Variants in RUNX2 observed in about 807,000 individuals in gnomAD.
RUNX2 encodes runt-related transcription factor 2.
A neutral mutation model predicts 51.7 loss-of-function variants in RUNX2; 10 were observed. The observed-to-expected ratio is 0.19, with a 90% CI of 0.12 to 0.33. The LOEUF (loss-of-function observed/expected upper bound fraction) is 0.33, where lower values mean the gene tolerates loss of function less well. Ranked by LOEUF, RUNX2 falls within the 10% of genes least tolerant of loss-of-function variation. The pLI is 1.00. For missense variants in RUNX2, 562 were observed against 691.3 expected (o/e 0.81, Z 2.10); for synonymous variants, 276 against 273.6 (o/e 1.01, Z -0.09).
intron 2 of RUNX2, among the ~76,000 whole-genome samples, chr6:45,334,483 G>A (rs1182586960): frequency 2.1e-5 from 3 of 141,910 alleles, no homozygotes; most frequent in African/African-American, 7.7e-5. Context: ...AAAGTTAAAT[G>A]CTAGCCAAAT....
At chr6:45,511,233 C>T (rs746188901) in intron 6 of RUNX2, among the ~76,000 whole-genome samples, 5 of 152,012 alleles carry the variant, frequency 3.3e-5, no homozygotes, top group Admixed American at 6.6e-5. Flanking sequence ...ATCTATGTGG[C>T]CTTGAGTTTG....
chr6:45,365,360 A>C, intron 2 of RUNX2: 1 of 1,143,320 alleles, frequency 8.7e-7, no homozygotes, highest in Admixed American at 2.2e-5. Context: ...TAAATGCAAA[A>C]AAAAAAGAAA....
At chr6:45,542,622 A>G (rs1802265805) in intron 7 of RUNX2, among the ~76,000 whole-genome samples, 1 of 152,240 alleles carries the variant, frequency 6.6e-6, no homozygotes, top group South Asian at 2.1e-4. Context: ...AGAGTTATTA[A>G]TAATATCCCA....
intron 5 of RUNX2, among the ~76,000 whole-genome samples, chr6:45,457,286 G>A (rs1406416736): frequency 6.6e-6 from 1 of 152,134 alleles, no homozygotes; most frequent in Non-Finnish European, 1.5e-5. Context: ...ACTAAGGATG[G>A]AAGGGAAAGG....
intron 6 of RUNX2, among the ~76,000 whole-genome samples, chr6:45,495,435 A>G (rs1800618069): frequency 6.6e-6 from 1 of 152,224 alleles, no homozygotes. Flanking sequence ...ACATTTACTT[A>G]GTTAAACTGT....
intron 2 of RUNX2, among the ~76,000 whole-genome samples, chr6:45,394,650 T>C (rs1036113060): frequency 5.3e-5 from 8 of 152,050 alleles, no homozygotes; most frequent in Admixed American, 4.6e-4. Context: ...CATCTTCTCC[T>C]CCTCCCGACA....
intron 2 of RUNX2, among the ~76,000 whole-genome samples, chr6:45,416,022 C>G (rs1482858518): frequency 6.6e-6 from 1 of 152,086 alleles, no homozygotes; most frequent in Non-Finnish European, 1.5e-5. Context: ...TTGATTATGA[C>G]TAGATGGGAA....
chr6:45,477,171 C>G (rs181156038), intron 5 of RUNX2, among the ~76,000 whole-genome samples: 1 of 152,178 alleles, frequency 6.6e-6, no homozygotes, highest in Non-Finnish European at 1.5e-5. Flanking sequence ...ACTGGCTCCT[C>G]ATCTTTCTCT....
At chr6:45,546,460 A>G (rs1582231721) in intron 8 of RUNX2, among the ~76,000 whole-genome samples, 1 of 152,206 alleles carries the variant, frequency 6.6e-6, no homozygotes, top group Non-Finnish European at 1.5e-5. Flanking sequence ...TTCACTTCAA[A>G]TATCTAAAGT....
chr6:45,486,905 G>C (rs1800300344), intron 5 of RUNX2, among the ~76,000 whole-genome samples: 1 of 152,166 alleles, frequency 6.6e-6, no homozygotes, highest in Admixed American at 6.5e-5. Context: ...GCCAGTTTCA[G>C]ATGTGTGATT....
At chr6:45,510,337 T>C (rs1801103909) in intron 6 of RUNX2, among the ~76,000 whole-genome samples, 1 of 152,234 alleles carries the variant, frequency 6.6e-6, no homozygotes. Flanking sequence ...TAAAATTGAA[T>C]TGGATGACAT....
intron 2 of RUNX2, among the ~76,000 whole-genome samples, chr6:45,337,061 CAAT>C (rs1788714617): frequency 1.3e-5 from 2 of 151,710 alleles, no homozygotes; most frequent in South Asian, 2.1e-4. Context: ...TACATAGCAA[CAAT>C]AATATAGTGA....
chr6:45,331,248 T>C (rs546555573), intron 2 of RUNX2, among the ~76,000 whole-genome samples: 3 of 152,160 alleles, frequency 2.0e-5, no homozygotes, highest in African/African-American at 7.2e-5. Context: ...CCATCATTTA[T>C]CATAAATATA....
At chr6:45,345,492 C>A (rs115029289) in intron 2 of RUNX2, among the ~76,000 whole-genome samples, 1 of 152,090 alleles carries the variant, frequency 6.6e-6, no homozygotes, top group Non-Finnish European at 1.5e-5. Flanking sequence ...GATAAACCAA[C>A]GCTCAAACCT....
In RUNX2 at chr6:45,387,648, C is replaced by T. The variant is rs116902837; in HGVS notation, c.59-34945C>T. On this transcript the variant is annotated intron_variant, in intron 2 of 8. Transcript: ENST00000647337. Reference sequence around the variant, plus strand: ...ACTGTATTCTAGCTTCTATCCGCACCATTCTGCCTGAATATTCCAGTTGTG... The same window carrying T: ...ACTGTATTCTAGCTTCTATCCGCACTATTCTGCCTGAATATTCCAGTTGTG... Among the ~76,000 whole-genome samples the T allele has an allele frequency of 4.5e-4, 68 of 152,280 alleles. 1 individual carries two copies. The East Asian group carries it at 0.013, about 29-fold the overall frequency.
chr6:45,530,484 A>G (rs570402268), intron 7 of RUNX2, among the ~76,000 whole-genome samples: 16 of 152,234 alleles, frequency 1.1e-4, no homozygotes, highest in Non-Finnish European at 2.1e-4. Context: ...AGTTAGGCTT[A>G]TTGCATTCCC....
At chr6:45,371,254 T>C (rs1053760037) in intron 2 of RUNX2, among the ~76,000 whole-genome samples, 2 of 152,174 alleles carry the variant, frequency 1.3e-5, no homozygotes, top group African/African-American at 2.4e-5. Flanking sequence ...GCATTAAACA[T>C]AAACAATTTA....
chr6:45,536,429 G>A (rs942874001), intron 7 of RUNX2, among the ~76,000 whole-genome samples: 3 of 152,186 alleles, frequency 2.0e-5, no homozygotes, highest in Non-Finnish European at 4.4e-5. Context: ...AGACTGAACA[G>A]CACTTGGTAA....
intron 2 of RUNX2, among the ~76,000 whole-genome samples, chr6:45,336,848 TG>T: frequency 6.6e-6 from 1 of 151,692 alleles, no homozygotes; most frequent in South Asian, 2.1e-4. Flanking sequence ...TTCAAATACA[TG>T]GTCAATTCAC....
Sources: gnomAD v4.1 joint callset for allele counts (sites outside exome capture counted in the v4.1 genomes callset) on GRCh38, gnomAD v4.1.1 for gene constraint, MANE v1.5 for transcripts, NCBI Gene and HGNC (gene_info 2026-07-23, HGNC 2026-07-21) for gene names.